Variants in GORASP2 observed in about 807,000 individuals in gnomAD.
GORASP2 encodes the protein golgi reassembly stacking protein 2, also known as Golgi reassembly-stacking protein 2.
GORASP2 carries 22 observed loss-of-function variants against 45.7 expected under a neutral mutation model. The observed-to-expected ratio is 0.48, with a 90% CI of 0.34 to 0.69. GORASP2 has a LOEUF of 0.69. GORASP2 is among the 30% of genes least tolerant of loss of function. The pLI, the probability that GORASP2 is intolerant of heterozygous loss-of-function variation, is 0.01. For missense variants in GORASP2, 491 were observed against 562.7 expected (o/e 0.87, Z 1.29); for synonymous variants, 221 against 215.6 (o/e 1.02, Z -0.22).
At chr2:170,946,656 A>T (rs1444598496) in intron 1 of GORASP2, among the ~76,000 whole-genome samples, 2 of 151,132 alleles carry the variant, frequency 1.3e-5, no homozygotes, top group Non-Finnish European at 2.9e-5. Context: ...TTTTGGCCGG[A>T]TGCAGTGGCT....
At chr2:170,936,718 G>C (rs1051592220) in intron 1 of GORASP2, 1 of 1,012,022 alleles carries the variant, frequency 9.9e-7, no homozygotes, top group Admixed American at 2.3e-5. Flanking sequence ...ACTCCAATCA[G>C]GAGACTGAGG....
Position 170,966,087 on chromosome 2 carries a change from C to G in GORASP2, c.1316C>G (p.Pro439Arg), listed in dbSNP as rs924119738. The change falls in exon 10 of 10, where the codon CCT (proline) becomes CGT (arginine). Residue 439 changes from proline (P) to arginine (R), a missense_variant. Transcript: ENST00000234160. ...VGDSTPVSEK[P>R]VSAAVDANAS... ...GACTCCACCCCAGTCAGCGAGAAGC[C>G]TGTTTCTGCGGCTGTGGATGCCAAT... 4.5e-5 allele frequency: 73 copies of G among 1,614,026 alleles called. No homozygotes were observed. The highest frequency in any genetic ancestry group is 6.0e-5 in the Non-Finnish European group (71 of 1,180,004).
At chr2:170,940,531 A>G (rs762702643) in intron 1 of GORASP2, among the ~76,000 whole-genome samples, 15 of 152,062 alleles carry the variant, frequency 9.9e-5, no homozygotes, top group Non-Finnish European at 1.3e-4. Flanking sequence ...TTCACTGGAA[A>G]GCAATAGTTA....
At chr2:170,928,946 A>G, upstream of GORASP2, 1 of 173,844 alleles carries the variant, frequency 5.8e-6, no homozygotes, top group Non-Finnish European at 1.2e-5. Flanking sequence ...ACCTGCAACC[A>G]AGTATGTGTT....
intron 1 of GORASP2, among the ~76,000 whole-genome samples, chr2:170,938,459 C>G (rs569762977): frequency 2.6e-5 from 4 of 152,346 alleles, no homozygotes; most frequent in South Asian, 2.1e-4. Context: ...TTAATTTCCT[C>G]TGATCCTCAT....
chr2:170,935,871 C>T (rs988800148), intron 1 of GORASP2, among the ~76,000 whole-genome samples: 1 of 152,122 alleles, frequency 6.6e-6, no homozygotes, highest in African/African-American at 2.4e-5. Context: ...CCACTGCGCC[C>T]GGCCTGTATA....
At position 170,966,117 on chromosome 2, in the gene GORASP2, CT is replaced by C; in HGVS notation, c.1347del (p.Glu450SerfsTer42). ...TCTGCGGCTGTGGATGCCAATGCTT[CT>C]GAGTCACCTTAACTTTGAACCATTC... ...PVSAAVDANASESP is the reference protein window; with the variant it reads ...PVSAAVDANAXESP On this transcript the variant is annotated frameshift_variant, in exon 10 of 10. Coordinates refer to ENST00000234160, the MANE Select transcript of GORASP2 (RefSeq NM_015530.5). LOFTEE classifies it high-confidence loss of function. The C allele has an allele frequency of 6.2e-7, 1 of 1,612,324 alleles. No homozygotes were observed. The highest frequency in any genetic ancestry group is 8.5e-7 in the Non-Finnish European group (1 of 1,178,352).
chr2:170,944,311 G>C lies in GORASP2; in HGVS notation c.64-4039G>C, dbSNP rs150467984. Among the ~76,000 whole-genome samples, 889 of 152,204 alleles carry C rather than the reference G, an allele frequency of 5.8e-3. 10 individuals carry two copies. The highest frequency in any genetic ancestry group is 0.02 in the African/African-American group (822 of 41,524). ...TAGGAAATTTCCTTTAGGTATATGA[G>C]GGTCAAAGAGAGGATTTTTCTAGGG... On this transcript the variant is annotated intron_variant, in intron 1 of 9. Coordinates refer to ENST00000234160, the MANE Select transcript of GORASP2 (RefSeq NM_015530.5).
intron 1 of GORASP2, among the ~76,000 whole-genome samples, chr2:170,947,017 A>G (rs1704193872): frequency 6.6e-6 from 1 of 152,192 alleles, no homozygotes; most frequent in South Asian, 2.1e-4. Flanking sequence ...TAAGCAAGAC[A>G]TGGTAATTTT....
At chr2:170,929,728 C>G (rs758529605) in intron 1 of GORASP2, 10 of 569,916 alleles carry the variant, frequency 1.8e-5, no homozygotes, top group Admixed American at 1.1e-4. Flanking sequence ...CCTCCACCCC[C>G]CCTCATTTTT....
At chr2:170,954,806 T>A (rs781602696) in intron 6 of GORASP2, 24 bp downstream of exon 6, 3 of 1,591,780 alleles carry the variant, frequency 1.9e-6, no homozygotes, top group Non-Finnish European at 2.6e-6. Context: ...CCTACCTGAG[T>A]ATATCATAAA....
intron 4 of GORASP2, 52 bp downstream of exon 4, chr2:170,950,342 G>T (rs748448073): frequency 2.3e-6 from 2 of 853,100 alleles, no homozygotes; most frequent in East Asian, 2.9e-5. Flanking sequence ...TTCTCATTGA[G>T]GTTTGAGTTG....
At chr2:170,943,336 T>C (rs2105316839) in intron 1 of GORASP2, among the ~76,000 whole-genome samples, 1 of 152,348 alleles carries the variant, frequency 6.6e-6, no homozygotes, top group African/African-American at 2.4e-5. Context: ...GTTGTAAAAA[T>C]AATGTTGTGT....
intron 1 of GORASP2, among the ~76,000 whole-genome samples, chr2:170,938,877 C>G (rs553115531): frequency 6.6e-6 from 1 of 152,220 alleles, no homozygotes; most frequent in South Asian, 2.1e-4. Flanking sequence ...CCTGTAATCC[C>G]AGCTACTTGG....
chr2:170,948,529 A>C (rs1704227803), intron 2 of GORASP2, 99 bp downstream of exon 2: 3 of 662,632 alleles, frequency 4.5e-6, no homozygotes, highest in Non-Finnish European at 8.0e-6. Context: ...AGTTACAATC[A>C]TTATGTGTAG....
chr2:170,965,736 C>T, intron 9 of GORASP2, 54 bp from the exon 10 acceptor site: 1 of 1,224,806 alleles, frequency 8.2e-7, no homozygotes, highest in Non-Finnish European at 1.2e-6. Flanking sequence ...TTGACAATGC[C>T]TGCTGTCCTT....
At chr2:170,951,569 C>G (rs939514715) in intron 5 of GORASP2, 111 bp downstream of exon 5, 3 of 865,408 alleles carry the variant, frequency 3.5e-6, no homozygotes, top group African/African-American at 3.5e-5. Flanking sequence ...TTTTAAGACT[C>G]CTCTTAAAAA....
At chr2:170,951,011 G>A (rs1704287974) in intron 4 of GORASP2, among the ~76,000 whole-genome samples, 1 of 152,050 alleles carries the variant, frequency 6.6e-6, no homozygotes. Context: ...AAAAGAGTGA[G>A]AAATGAGGTG....
rs1342664939 is a variant in GORASP2, at chr2:170,966,036, C to T, written c.1265C>T (p.Pro422Leu). 1.2e-6 allele frequency: 2 copies of T among 1,613,834 alleles called. No homozygotes were observed. The highest frequency in any genetic ancestry group is 1.3e-5 in the African/African-American group (1 of 74,900). Residue 422 changes from proline to leucine, a missense_variant, in exon 10 of 10, where the codon CCC becomes CTC. Pro to Leu is a moderately conservative substitution (Grantham distance 98, BLOSUM62 -3). Coordinates refer to ENST00000234160, the MANE Select transcript of GORASP2 (RefSeq NM_015530.5). ...VDVTPPTAKA[P>L]TTVEDRVGDS... Reference sequence around the variant, plus strand: ...GTGACGCCCCCCACTGCCAAGGCCCCCACCACCGTTGAGGACAGAGTCGGC... The same window carrying T: ...GTGACGCCCCCCACTGCCAAGGCCCTCACCACCGTTGAGGACAGAGTCGGC...
Sources: gnomAD v4.1 joint callset for allele counts (sites outside exome capture counted in the v4.1 genomes callset) on GRCh38, gnomAD v4.1.1 for gene constraint, MANE v1.5 for transcripts, NCBI Gene and HGNC (gene_info 2026-07-23, HGNC 2026-07-21) for gene names.